The following GNE variants were observed in gnomAD, a reference collection of about 807,000 sequenced individuals.
GNE encodes the protein glucosamine (UDP-N-acetyl)-2-epimerase/N-acetylmannosamine kinase.
A neutral mutation model predicts 61.8 loss-of-function variants in GNE; 41 were observed. The observed-to-expected ratio is 0.66, with a 90% CI of 0.52 to 0.86. The LOEUF (loss-of-function observed/expected upper bound fraction) is 0.86, where lower values mean the gene tolerates loss of function less well. Ranked by LOEUF, GNE falls within the 40% of genes least tolerant of loss-of-function variation. GNE has a pLI of 0.00. For synonymous variants in GNE, 264 were observed against 326.4 expected, an observed-to-expected ratio of 0.81 and a Z score of 2.06; for missense variants, 608 against 909.1, an observed-to-expected ratio of 0.67 and a Z score of 4.26.
chr9:36,264,163 C>G (rs1830693487), intron 1 of GNE, among the ~76,000 whole-genome samples: 1 of 151,912 alleles, frequency 6.6e-6, no homozygotes, highest in Admixed American at 6.6e-5. Context: ...GACAGAGTCT[C>G]ACTCTGTCAC....
At chr9:36,269,887 C>T (rs370488012) in intron 1 of GNE, among the ~76,000 whole-genome samples, 21 of 152,128 alleles carry the variant, frequency 1.4e-4, no homozygotes, top group Admixed American at 3.9e-4. Context: ...GTCTTGAACT[C>T]CTGACCTCAG....
intron 1 of GNE, among the ~76,000 whole-genome samples, chr9:36,255,725 AGTCAGAAG>A (rs1183420801): frequency 6.6e-6 from 1 of 152,224 alleles, no homozygotes; most frequent in Non-Finnish European, 1.5e-5. Flanking sequence ...GAGCTCAGAA[AGTCAGAAG>A]GTGGGACTGA....
At position 36,222,801 on chromosome 9, in the gene GNE, A is replaced by T; in HGVS notation, c.1609T>A (p.Phe537Ile). 1.2e-6 allele frequency: 2 copies of T among 1,613,896 alleles called. No individual in the cohort carries two copies. Among genetic ancestry groups the T allele is most frequent in the Non-Finnish European group, 1.7e-6 (2 of 1,179,766 alleles). The change falls in exon 9 of 12, where the codon TTT (phenylalanine) becomes ATT (isoleucine). Residue 537 changes from phenylalanine (F) to isoleucine (I), a missense_variant. Physicochemically the swap from Phe to Ile is conservative, Grantham distance 21. Coordinates refer to ENST00000642385, the MANE Select transcript of GNE (RefSeq NM_005476.7). Reference sequence around the variant, plus strand: ...CCTGTGCCTGTGATAAGTGTAACAAAGTTTTCCAGTCCCTTTCCTTGGCCA... The same window carrying T: ...CCTGTGCCTGTGATAAGTGTAACAATGTTTTCCAGTCCCTTTCCTTGGCCA... ...KFGQGKGLEN[F>I]VTLITGTGIG...
At chr9:36,225,633 TCAAAAAA>T (rs1173286191) in intron 7 of GNE, among the ~76,000 whole-genome samples, 1 of 152,112 alleles carries the variant, frequency 6.6e-6, no homozygotes, top group Non-Finnish European at 1.5e-5. Flanking sequence ...AGACTCAGTC[TCAAAAAA>T]CAAAAATACA....
chr9:36,249,150 C>A (rs755381060), intron 2 of GNE, 42 bp downstream of exon 2: 1 of 1,514,406 alleles, frequency 6.6e-7, no homozygotes, highest in Non-Finnish European at 9.2e-7. Context: ...CTCCTTCTAG[C>A]ACACTGTTGC....
chr9:36,265,118 G>C, intron 1 of GNE: 1 of 287,244 alleles, frequency 3.5e-6, no homozygotes, highest in Non-Finnish European at 6.9e-6. Flanking sequence ...GCCCACTGCT[G>C]CTCCCGATCG....
intron 1 of GNE, 80 bp from the exon 2 acceptor site, chr9:36,249,477 A>G: frequency 3.1e-6 from 3 of 964,434 alleles, no homozygotes; most frequent in Non-Finnish European, 4.6e-6. Context: ...TAAATCAGAA[A>G]TAGAAATTTT....
intron 3 of GNE, among the ~76,000 whole-genome samples, chr9:36,238,633 G>C (rs150035095): frequency 3.9e-5 from 6 of 152,206 alleles, no homozygotes; most frequent in African/African-American, 1.4e-4. Flanking sequence ...TGTAGATTCT[G>C]GATATTAGTC....
At chr9:36,258,590 CG>C (rs1011692588), upstream of GNE, 2 of 888,038 alleles carry the variant, frequency 2.3e-6, no homozygotes, top group African/African-American at 1.8e-5. Flanking sequence ...ACCTTCCCGG[CG>C]GTATTTTGAG....
upstream of GNE, among the ~76,000 whole-genome samples, chr9:36,260,066 T>C (rs565149433): frequency 2.6e-5 from 4 of 151,942 alleles, no homozygotes; most frequent in South Asian, 6.3e-4. Context: ...GGAAGTAAAA[T>C]TGATGAGACT....
At chr9:36,234,222 C>T in intron 4 of GNE, 90 bp from the exon 5 acceptor site, 2 of 1,036,220 alleles carry the variant, frequency 1.9e-6, no homozygotes, top group Non-Finnish European at 3.0e-6. Context: ...AAAGAAATCT[C>T]CCTAAAAAAA....
intron 3 of GNE, among the ~76,000 whole-genome samples, chr9:36,245,772 T>C (rs1402131622): frequency 2.6e-5 from 4 of 152,258 alleles, no homozygotes; most frequent in Non-Finnish European, 4.4e-5. Context: ...ATAACTAATA[T>C]ATTTAATGGA....
At chr9:36,274,418 A>G (rs1371431244) in intron 1 of GNE, among the ~76,000 whole-genome samples, 2 of 152,186 alleles carry the variant, frequency 1.3e-5, no homozygotes, top group Admixed American at 6.6e-5. Flanking sequence ...TTAAATATTT[A>G]GCGGTGCTTT....
chr9:36,231,079 A>AAAAAG (rs1563936135), intron 5 of GNE, among the ~76,000 whole-genome samples: 2 of 142,376 alleles, frequency 1.4e-5, no homozygotes, highest in African/African-American at 5.4e-5. Flanking sequence ...AAAAAAAAAA[A>AAAAAG]AAAAAGAAAG....
chr9:36,222,715 GTTGAAGACATGCTCCAATATAC>G (rs1331106304), intron 9 of GNE, 40 bp downstream of exon 9: 1 of 1,114,214 alleles, frequency 9.0e-7, no homozygotes, highest in Non-Finnish European at 1.4e-6. Flanking sequence ...ACCTGACCAT[GTTGAAGACATGCTCCAATATAC>G]ATTCTAGCTC....
chr9:36,257,675 C>T (rs1227608097), intron 1 of GNE, among the ~76,000 whole-genome samples: 1 of 150,772 alleles, frequency 6.6e-6, no homozygotes, highest in African/African-American at 2.4e-5. Context: ...TGGTGGTGGG[C>T]GCCTGTAGTC....
chr9:36,237,244 T>G lies in GNE; in HGVS notation c.617-260A>C, dbSNP rs16933112. On this transcript the variant is annotated intron_variant, in intron 3 of 11. Transcript: ENST00000642385. ...AACTTTAAATAGCAGGCACTAGAAA[T>G]TCACTGTTTTAAAACCCAAACTATT... Among the ~76,000 whole-genome samples, 1,526 of 152,256 alleles carry G rather than the reference T, an allele frequency of 0.01. 25 individuals are homozygous for G. The highest frequency in any genetic ancestry group is 0.035 in the African/African-American group (1,451 of 41,540).
At chr9:36,260,762 G>C (rs10972811), upstream of GNE, among the ~76,000 whole-genome samples, 4 of 150,716 alleles carry the variant, frequency 2.7e-5, no homozygotes, top group Non-Finnish European at 3.0e-5. Context: ...CCAGCTACTC[G>C]GGAGGCTGAG....
At position 36,248,337 on chromosome 9, in the gene GNE, G is replaced by A. The variant is rs531957395; in HGVS notation, c.164+855C>T. 6.4e-4 allele frequency among the ~76,000 whole-genome samples: 93 copies of A among 146,150 alleles called. 1 individual carries two copies. Among genetic ancestry groups the A allele is most frequent in the African/African-American group, 2.1e-3 (83 of 39,352 alleles). On this transcript the variant is annotated intron_variant, in intron 2 of 11. Transcript: ENST00000642385. ...CCTTTGCTTTTTTTTTTTTTGAGAC[G>A]GAGTCTCACTCTTGTTGCCCAGGCT... is the stretch of plus-strand genomic sequence containing the variant.
Sources: gnomAD v4.1 joint callset for allele counts (sites outside exome capture counted in the v4.1 genomes callset) on GRCh38, gnomAD v4.1.1 for gene constraint, MANE v1.5 for transcripts, NCBI Gene and HGNC (gene_info 2026-07-23, HGNC 2026-07-21) for gene names.